CELSR3: variants seen among roughly 807,000 people sequenced by gnomAD.
CELSR3 encodes EGF-like protein 1.
Under a neutral mutation model 270.0 loss-of-function variants are expected in CELSR3, and 73 were observed. The ratio of observed to expected loss-of-function variants is 0.27; its 90% CI spans 0.22 to 0.33. CELSR3 has a LOEUF of 0.33. Ranked by LOEUF, CELSR3 falls within the 10% of genes least tolerant of loss-of-function variation. CELSR3 has a pLI of 1.00. For synonymous variants in CELSR3, 1,780 were observed against 1,905.4 expected, an observed-to-expected ratio of 0.93 and a Z score of 1.71; for missense variants, 3,614 against 4,533.8, an observed-to-expected ratio of 0.80 and a Z score of 5.83.
chr3:48,639,821 G>C lies in CELSR3; in HGVS notation c.9764C>G (p.Ser3255Cys), dbSNP rs760303916. Residue 3255 changes from serine (S) to cysteine (C), a missense_variant, in exon 34 of 35, where the codon TCC becomes TGC. By Grantham distance (112) the Ser-to-Cys change is moderately radical. Coordinates refer to ENST00000164024, the MANE Select transcript of CELSR3 (RefSeq NM_001407.3). This position sits in a 1 kb window ranked among gnomAD's most constrained non-coding sequence, Gnocchi z 4.1. Reference sequence around the variant, plus strand: ...AGATTGCACAGAGGAGAGGGCCGAGGAGTTGAAAGAGGCAAGGATGGAGGA... The same window carrying C: ...AGATTGCACAGAGGAGAGGGCCGAGCAGTTGAAAGAGGCAAGGATGGAGGA... ...ILSSILASFN[S>C]SALSSVQSSS... 6.2e-7 allele frequency: 1 copy of C among 1,613,914 alleles called. No homozygotes were observed. Among genetic ancestry groups the C allele is most frequent in the South Asian group, 1.1e-5 (1 of 91,080 alleles).
rs1575536864 is a variant in CELSR3, at chr3:48,639,617, C to T, written c.9911+57G>A. 1 of 1,585,282 alleles carries T rather than the reference C, an allele frequency of 6.3e-7. No homozygotes were observed. The highest frequency in any genetic ancestry group is 8.6e-7 in the Non-Finnish European group (1 of 1,162,548). ...CTGTGGCAGAACACAGGGCAGGGCA[C>T]ACAGGAGGTTGCCCTAAGCTGATGA... On this transcript the variant is annotated intron_variant, in intron 34 of 34. Coordinates refer to ENST00000164024, the MANE Select transcript of CELSR3 (RefSeq NM_001407.3). The surrounding 1 kb of genome is among the most constrained non-coding windows in gnomAD (Gnocchi z 4.1).
chr3:48,655,661 C>G lies in CELSR3; in HGVS notation c.4741+75G>C, dbSNP rs1043477812. The G allele has an allele frequency of 2.7e-5, 35 of 1,317,286 alleles. No individual in the cohort carries two copies. The highest frequency in any genetic ancestry group is 3.7e-5 in the Non-Finnish European group (34 of 912,000). The allele number at this position is 1,317,286 out of a possible 1,614,324, so 81.6% of individuals were successfully genotyped here. A position where few individuals can be genotyped will look rare whatever the true frequency, so the allele number is the denominator to read the frequency against. ...GTGTGTGCTCAGGTGCACAGTGAAG[C>G]AAACCTGAGGGGACTTGGGCCCTGC... is the stretch of plus-strand genomic sequence containing the variant. On this transcript the variant is annotated intron_variant, in intron 4 of 34. Transcript: ENST00000164024. The surrounding 1 kb of genome is among the most constrained non-coding windows in gnomAD (Gnocchi z 5.8).
chr3:48,650,764 C>T lies in CELSR3; in HGVS notation c.6370+128G>A. The T allele has an allele frequency of 8.6e-7, 1 of 1,158,090 alleles. No individual in the cohort carries two copies. The highest frequency in any genetic ancestry group is 1.2e-6 in the Non-Finnish European group (1 of 825,068). The allele number at this position is 1,158,090 out of a possible 1,614,324, so 71.7% of individuals were successfully genotyped here. A position where few individuals can be genotyped will look rare whatever the true frequency, so the allele number is the denominator to read the frequency against. On this transcript the variant is annotated intron_variant, in intron 15 of 34. Coordinates refer to ENST00000164024, the MANE Select transcript of CELSR3 (RefSeq NM_001407.3). This position sits in a 1 kb window ranked among gnomAD's most constrained non-coding sequence, Gnocchi z 5.1. Reference sequence around the variant, plus strand: ...GTACTTGGGGCAAAGGTAGGGTTCCCTGGGTGTAAGTGGTCTCCCTCAGGA... The same window carrying T: ...GTACTTGGGGCAAAGGTAGGGTTCCTTGGGTGTAAGTGGTCTCCCTCAGGA...
In CELSR3 at chr3:48,640,189, G is replaced by T; in HGVS notation, c.9396C>A (p.Gly3132=). The change falls in exon 34 of 35, where the codon GGC becomes GGA. Residue 3132 remains glycine, a synonymous_variant. Coordinates refer to ENST00000164024, the MANE Select transcript of CELSR3 (RefSeq NM_001407.3). This position sits in a 1 kb window ranked among gnomAD's most constrained non-coding sequence, Gnocchi z 7.5. The stretch of plus-strand genomic sequence containing the variant: ...GTGACCCGAAGCGGCCAGCCATGGC[G>T]CCAGGGTAGTCCCGAGGTGGCTGCC... ...PRRQPPRDYP[G]AMAGRFGSRD... 2.5e-6 allele frequency: 4 copies of T among 1,612,708 alleles called. No homozygotes were observed. The highest frequency in any genetic ancestry group is 3.4e-6 in the Non-Finnish European group (4 of 1,179,942).
At position 48,655,172 on chromosome 3, in the gene CELSR3, C is replaced by T. The variant is rs760607983; in HGVS notation, c.4860G>A (p.Gln1620=). ...KPRTDALGGA[Q]GPSKDKVAVL... ...CAGCCACCTTGTCCTTGGAGGGGCC[C>T]TGTGCACCCCCTAGGGCATCTGTCC... The change falls in exon 6 of 35, where the codon CAG becomes CAA. Residue 1620 remains glutamine, a synonymous_variant. Coordinates refer to ENST00000164024, the MANE Select transcript of CELSR3 (RefSeq NM_001407.3). The surrounding 1 kb of genome is among the most constrained non-coding windows in gnomAD (Gnocchi z 5.8). 3.7e-6 allele frequency: 6 copies of T among 1,613,794 alleles called. No individual in the cohort carries two copies. The African/African-American group carries it at 8.0e-5, about 22-fold the overall frequency.
At position 48,651,127 on chromosome 3, in the gene CELSR3, T is replaced by C. The variant is rs112709652; in HGVS notation, c.6187-52A>G. ...AAGTCAGAGGTCAGGGCTTGGGGAA[T>C]GAGTGGAATCAAGGATAAAGGGTCA... On this transcript the variant is annotated intron_variant, in intron 14 of 34. Transcript: ENST00000164024. The surrounding 1 kb of genome is among the most constrained non-coding windows in gnomAD (Gnocchi z 7.4). 6.6e-7 allele frequency: 1 copy of C among 1,516,056 alleles called. No homozygotes were observed. Among genetic ancestry groups the C allele is most frequent in the Middle Eastern group, 1.8e-4 (1 of 5,554 alleles). 93.9% of individuals were successfully genotyped at this position (1,516,056 alleles called of 1,614,324 possible).
rs757982278 is a variant in CELSR3, at chr3:48,661,503, T to C, written c.1132A>G (p.Ile378Val). The C allele has an allele frequency of 5.9e-5, 94 of 1,605,192 alleles. No individual in the cohort carries two copies. The highest frequency in any genetic ancestry group is 7.2e-5 in the Non-Finnish European group (85 of 1,176,452). ...CGGATAAGGCCGCTCTGCGGGTCGA[T>C]GCTGAACAGCTCCAGCGAGCGGCTG... is the stretch of plus-strand genomic sequence containing the variant. ...MNSRSLELFS[I>V]DPQSGLIRTA... Residue 378 changes from isoleucine (I) to valine (V), a missense_variant, in exon 1 of 35, where the codon ATC (isoleucine) becomes GTC (valine). This residue lies in a region of CELSR3 where 354 missense variants were observed against 500.9 expected (regional missense o/e 0.71). Coordinates refer to ENST00000164024, the MANE Select transcript of CELSR3 (RefSeq NM_001407.3).
At position 48,662,460 on chromosome 3, in the gene CELSR3, C is replaced by T; in HGVS notation, c.175G>A (p.Gly59Arg). The change falls in exon 1 of 35, where the codon GGA becomes AGA. Residue 59 changes from glycine (G) to arginine (R), a missense_variant. Physicochemically the swap from Gly to Arg is moderately radical, Grantham distance 125. Around this residue, in one of 7 missense-constraint regions of CELSR3, gnomAD observed 470 missense variants for 469.7 expected, o/e 1.00. Coordinates refer to ENST00000164024, the MANE Select transcript of CELSR3 (RefSeq NM_001407.3). The surrounding 1 kb of genome is among the most constrained non-coding windows in gnomAD (Gnocchi z 7.1). The stretch of plus-strand genomic sequence containing the variant: ...GACTCCGGACAAAGAGCTAAGGCTC[C>T]GCCACCGATATGCGCCCTTGGCCCC... ...TTGPRAHIGG[G>R]ALALCPESSG... 6.2e-7 allele frequency: 1 copy of T among 1,612,786 alleles called. No individual in the cohort carries two copies. Among genetic ancestry groups the T allele is most frequent in the Middle Eastern group, 1.7e-4 (1 of 6,058 alleles).
In CELSR3 at chr3:48,653,513, C is replaced by G. The variant is rs1250941194; in HGVS notation, c.5448+106G>C. 2 of 1,369,176 alleles carry G rather than the reference C, an allele frequency of 1.5e-6. No individual in the cohort carries two copies. The highest frequency in any genetic ancestry group is 2.9e-5 in the African/African-American group (2 of 69,700). The allele number at this position is 1,369,176 out of a possible 1,614,324, so 84.8% of individuals were successfully genotyped here. A position where few individuals can be genotyped will look rare whatever the true frequency, so the allele number is the denominator to read the frequency against. Reference sequence around the variant, plus strand: ...AGCAGGGTCAAGTGTGGTTGGGACACCTGGCAGAAAAGTATGCTGTGTGAC... The same window carrying G: ...AGCAGGGTCAAGTGTGGTTGGGACAGCTGGCAGAAAAGTATGCTGTGTGAC... On this transcript the variant is annotated intron_variant, in intron 9 of 34. Transcript: ENST00000164024. The surrounding 1 kb of genome is among the most constrained non-coding windows in gnomAD (Gnocchi z 6.5).
rs1450609456 is a variant in CELSR3, at chr3:48,642,865, T to G, written c.8426A>C (p.Asn2809Thr). The change falls in exon 30 of 35, where the codon AAC (asparagine) becomes ACC (threonine). Residue 2809 changes from asparagine to threonine, a missense_variant. Physicochemically the swap from Asn to Thr is moderately conservative, Grantham distance 65. Coordinates refer to ENST00000164024, the MANE Select transcript of CELSR3 (RefSeq NM_001407.3). The surrounding 1 kb of genome is among the most constrained non-coding windows in gnomAD (Gnocchi z 6.1). ...APGLGPGAYN[N>T]TALFEESGLI... Reference sequence around the variant, plus strand: ...GCCACTCTCCTCAAAGAGAGCCGTGTTGTTGTAGGCCCCAGGTCCCTGGGG... The same window carrying G: ...GCCACTCTCCTCAAAGAGAGCCGTGGTGTTGTAGGCCCCAGGTCCCTGGGG... 12 of 1,613,036 alleles carry G rather than the reference T, an allele frequency of 7.4e-6. 1 individual carries two copies. In the South Asian group the frequency reaches 1.3e-4, roughly 18 times the overall value.
chr3:48,653,310 C>G lies in CELSR3; in HGVS notation c.5449-123G>C, dbSNP rs2047153818. The G allele has an allele frequency of 3.3e-6, 3 of 904,014 alleles. No homozygotes were observed. Among genetic ancestry groups the G allele is most frequent in the Admixed American group, 2.7e-5 (1 of 37,586 alleles). 56.0% of individuals were successfully genotyped at this position (904,014 alleles called of 1,614,324 possible). A position where few individuals can be genotyped will look rare whatever the true frequency, so the allele number is the denominator to read the frequency against. ...CAGAACAGTGGGGTCAAGGTTATAC[C>G]TGGCACAAAGGGCACTGTGCCAGGG... On this transcript the variant is annotated intron_variant, in intron 9 of 34. Coordinates refer to ENST00000164024, the MANE Select transcript of CELSR3 (RefSeq NM_001407.3). The surrounding 1 kb of genome is among the most constrained non-coding windows in gnomAD (Gnocchi z 6.5).
chr3:48,654,956 G>A lies in CELSR3; in HGVS notation c.4988+88C>T. Reference sequence around the variant, plus strand: ...GTTTGGGGGAAAGATGGGAGAGTTTGGCAGGATGGGATGAGGAATGGGATG... The same window carrying A: ...GTTTGGGGGAAAGATGGGAGAGTTTAGCAGGATGGGATGAGGAATGGGATG... On this transcript the variant is annotated intron_variant, in intron 6 of 34. Transcript: ENST00000164024. This position sits in a 1 kb window ranked among gnomAD's most constrained non-coding sequence, Gnocchi z 5.4. 2 of 1,330,824 alleles carry A rather than the reference G, an allele frequency of 1.5e-6. No individual in the cohort carries two copies. The highest frequency in any genetic ancestry group is 2.4e-5 in the South Asian group (2 of 82,392). The allele number at this position is 1,330,824 out of a possible 1,614,324, so 82.4% of individuals were successfully genotyped here.
intron 19 of CELSR3, 122 bp from the exon 20 acceptor site, chr3:48,648,118 G>A (rs1308029005): frequency 5.5e-6 from 8 of 1,447,612 alleles, no homozygotes; most frequent in African/African-American, 2.8e-5. Flanking sequence ...CTACCAGCTC[G>A]GAGCCTGTCC....
intron 19 of CELSR3, 80 bp downstream of exon 19, chr3:48,648,186 C>A: frequency 6.7e-7 from 1 of 1,500,414 alleles, no homozygotes; most frequent in Non-Finnish European, 9.1e-7. Flanking sequence ...GCATTGATAG[C>A]CACAGCCCCT....
In CELSR3 at chr3:48,641,379, C is replaced by T. The variant is rs763316177; in HGVS notation, c.8970G>A (p.Pro2990=). ...AAGTCTCATCCCCACTGGTCAGGGC[C>T]GGGTCTGGCTGGTTGTTGTTAGCTG... is the stretch of plus-strand genomic sequence containing the variant. ...KDAANNNQPD[P]ALTSGDETSL... is the part of the protein sequence containing the mutation. Residue 2990 remains proline (P), a synonymous_variant, in exon 33 of 35, where the codon CCG becomes CCA. Transcript: ENST00000164024. This position sits in a 1 kb window ranked among gnomAD's most constrained non-coding sequence, Gnocchi z 4.8. 1.4e-4 allele frequency: 223 copies of T among 1,612,488 alleles called. No individual in the cohort carries two copies. Among genetic ancestry groups the T allele is most frequent in the Middle Eastern group, 5.0e-4 (3 of 6,016 alleles).
In CELSR3 at chr3:48,648,536, T is replaced by C; in HGVS notation, c.6778-75A>G. 3 of 1,440,200 alleles carry C rather than the reference T, an allele frequency of 2.1e-6. No homozygotes were observed. The South Asian group carries it at 4.2e-5, about 20-fold the overall frequency. 89.2% of individuals were successfully genotyped at this position (1,440,200 alleles called of 1,614,324 possible). A position where few individuals can be genotyped will look rare whatever the true frequency, so the allele number is the denominator to read the frequency against. On this transcript the variant is annotated intron_variant, in intron 18 of 34. Coordinates refer to ENST00000164024, the MANE Select transcript of CELSR3 (RefSeq NM_001407.3). The stretch of plus-strand genomic sequence containing the variant: ...GAGGGGATAGGGCAGGCATGAGAGG[T>C]CTGGACAGGTGCTCAGAGGGGCTCC...
At position 48,651,249 on chromosome 3, in the gene CELSR3, G is replaced by C; in HGVS notation, c.6186+110C>G. The C allele has an allele frequency of 6.5e-7, 1 of 1,539,936 alleles. No homozygotes were observed. Among genetic ancestry groups the C allele is most frequent in the South Asian group, 1.2e-5 (1 of 81,726 alleles). Reference sequence around the variant, plus strand: ...GATGAGAGACAGCAACTTGGTCACAGGACACAGGCAAGAGGTTAGGGCCCA... The same window carrying C: ...GATGAGAGACAGCAACTTGGTCACACGACACAGGCAAGAGGTTAGGGCCCA... On this transcript the variant is annotated intron_variant, in intron 14 of 34. Coordinates refer to ENST00000164024, the MANE Select transcript of CELSR3 (RefSeq NM_001407.3). The surrounding 1 kb of genome is among the most constrained non-coding windows in gnomAD (Gnocchi z 7.4).
Position 48,649,166 on chromosome 3 carries a change from G to T in CELSR3, c.6522C>A (p.Asp2174Glu). The change falls in exon 17 of 35, where the codon GAC (aspartate) becomes GAA (glutamate). Residue 2174 changes from aspartate (D) to glutamate (E), a missense_variant. This residue lies in a region of CELSR3 where 1,331 missense variants were observed against 1,933.7 expected (regional missense o/e 0.69). Coordinates refer to ENST00000164024, the MANE Select transcript of CELSR3 (RefSeq NM_001407.3). ...CDEAQGWLEPDLFNCTSPAFR... is the reference protein window; with the variant it reads ...CDEAQGWLEPELFNCTSPAFR... ...AGGCAGGGGAGGTACAGTTGAAGAGGTCGGGCTCCAGCCAACCCTGGGCCT... is the reference window on the plus strand; with the variant it reads ...AGGCAGGGGAGGTACAGTTGAAGAGTTCGGGCTCCAGCCAACCCTGGGCCT... 1 of 1,612,476 alleles carries T rather than the reference G, an allele frequency of 6.2e-7. No individual in the cohort carries two copies. The highest frequency in any genetic ancestry group is 8.5e-7 in the Non-Finnish European group (1 of 1,179,558).
Position 48,653,820 on chromosome 3 carries a change from C to T in CELSR3, c.5279-32G>A. The T allele has an allele frequency of 6.2e-7, 1 of 1,612,584 alleles. No homozygotes were observed. Among genetic ancestry groups the T allele is most frequent in the Non-Finnish European group, 8.5e-7 (1 of 1,178,778 alleles). On this transcript the variant is annotated intron_variant, in intron 8 of 34. Transcript: ENST00000164024. This position sits in a 1 kb window ranked among gnomAD's most constrained non-coding sequence, Gnocchi z 6.5. ...GGATAAGAGAAACAGGGTTACAGCC[C>T]CTGCCCCAGGAACAGATCTGACCCT...
Sources: gnomAD v4.1 joint callset for allele counts on GRCh38, gnomAD v4.1.1 for gene constraint, gnomAD v4.1.1 regional missense constraint, Gnocchi (gnomAD v3.1) non-coding constraint, MANE v1.5 for transcripts, NCBI Gene and HGNC (gene_info 2026-07-23, HGNC 2026-07-21) for gene names.